Variants in RBPMS observed in about 807,000 individuals in gnomAD.
RBPMS encodes the protein RNA binding protein, mRNA processing factor, also known as RNA-binding protein with multiple splicing.
RBPMS carries 7 observed loss-of-function variants against 26.8 expected under a neutral mutation model. The observed-to-expected ratio is 0.26, with a 90% CI of 0.15 to 0.49. The LOEUF is 0.49. RBPMS is among the 20% of genes least tolerant of loss of function. The probability of loss-of-function intolerance (pLI) is 0.98; values close to 1 mark genes in which losing one functional copy is unlikely to be tolerated. For missense variants in RBPMS, 186 were observed against 250.0 expected, an observed-to-expected ratio of 0.74 and a Z score of 1.73; for synonymous variants, 96 against 93.3, an observed-to-expected ratio of 1.03 and a Z score of -0.17.
intron 5 of RBPMS, among the ~76,000 whole-genome samples, chr8:30,505,762 A>C (rs1821011902): frequency 6.6e-6 from 1 of 152,110 alleles, no homozygotes; most frequent in African/African-American, 2.4e-5. Context: ...TATTATAGTG[A>C]GTGGATAAAT....
chr8:30,497,573 T>A (rs530687855), intron 4 of RBPMS, among the ~76,000 whole-genome samples: 42 of 152,186 alleles, frequency 2.8e-4, no homozygotes, highest in African/African-American at 9.4e-4. Flanking sequence ...AGAAGACTTT[T>A]ATTCTTAGCT....
At chr8:30,482,207 T>TA (rs1426402477) in intron 4 of RBPMS, among the ~76,000 whole-genome samples, 1 of 152,234 alleles carries the variant, frequency 6.6e-6, no homozygotes, top group African/African-American at 2.4e-5. Context: ...ATTGATGAGT[T>TA]AAAAACATAT....
intron 1 of RBPMS, among the ~76,000 whole-genome samples, chr8:30,471,719 C>T (rs904652894): frequency 8.5e-5 from 13 of 152,150 alleles, no homozygotes; most frequent in African/African-American, 2.9e-4. Context: ...TTGCGGGTGA[C>T]AGGGAGGGCA....
At chr8:30,470,411 C>T (rs565132109) in intron 1 of RBPMS, among the ~76,000 whole-genome samples, 1 of 152,146 alleles carries the variant, frequency 6.6e-6, no homozygotes, top group South Asian at 2.1e-4. Flanking sequence ...ATTCTAGATC[C>T]CAGTCACCAT....
At chr8:30,490,375 C>G (rs1231337727) in intron 4 of RBPMS, among the ~76,000 whole-genome samples, 1 of 152,186 alleles carries the variant, frequency 6.6e-6, no homozygotes, top group East Asian at 1.9e-4. Flanking sequence ...AATTGAATCT[C>G]TGTTTCGAAG....
At chr8:30,423,317 G>A (rs2979489) in intron 1 of RBPMS, among the ~76,000 whole-genome samples, 120,844 of 152,126 alleles carry the variant, frequency 0.79, 48,529 homozygotes, top group African/African-American at 0.91. Flanking sequence ...GTGGATATTT[G>A]TAGGTCACCA....
intron 5 of RBPMS, among the ~76,000 whole-genome samples, chr8:30,523,600 A>G (rs770116080): frequency 2.7e-5 from 4 of 150,912 alleles, no homozygotes; most frequent in African/African-American, 4.9e-5. Context: ...GGGTGAGCAC[A>G]TGACAGGGGA....
chr8:30,494,876 T>C (rs1819764352), intron 4 of RBPMS, among the ~76,000 whole-genome samples: 2 of 152,208 alleles, frequency 1.3e-5, no homozygotes, highest in South Asian at 4.1e-4. Context: ...ACTACATACC[T>C]TAAACACAAT....
intron 6 of RBPMS, chr8:30,549,659 C>T (rs1274196734): frequency 9.7e-6 from 11 of 1,132,722 alleles, no homozygotes; most frequent in South Asian, 1.2e-5. Context: ...GCCTCATGCT[C>T]ACAGCGCCAG....
chr8:30,454,274 TTTATTAAC>T (rs1183467378), intron 1 of RBPMS, among the ~76,000 whole-genome samples: 1 of 152,156 alleles, frequency 6.6e-6, no homozygotes, highest in African/African-American at 2.4e-5. Flanking sequence ...TTAGTGTGAG[TTTATTAAC>T]TTATTAACTT....
At chr8:30,565,147 C>A (rs1339226890) in intron 7 of RBPMS, 1 of 152,204 alleles carries the variant, frequency 6.6e-6, no homozygotes, top group African/African-American at 2.4e-5. Context: ...AGTAACCCAA[C>A]TTTTGCTAGG....
intron 5 of RBPMS, among the ~76,000 whole-genome samples, chr8:30,510,814 C>G (rs1281617332): frequency 2.0e-5 from 3 of 152,136 alleles, no homozygotes; most frequent in Non-Finnish European, 4.4e-5. Context: ...CTCAAGCAAT[C>G]CACCTGCCTT....
intron 5 of RBPMS, among the ~76,000 whole-genome samples, chr8:30,527,378 T>A (rs555362738): frequency 2.0e-5 from 3 of 152,100 alleles, no homozygotes; most frequent in Middle Eastern, 3.4e-3. Flanking sequence ...CTGGGTGGAG[T>A]TTGTTCTTTC....
In RBPMS at chr8:30,385,161, A is replaced by T; in HGVS notation, c.66+3A>T. 6.7e-7 allele frequency: 1 copy of T among 1,501,994 alleles called. No homozygotes were observed. The highest frequency in any genetic ancestry group is 8.9e-7 in the Non-Finnish European group (1 of 1,124,848). The allele number at this position is 1,501,994 out of a possible 1,614,324, so 93.0% of individuals were successfully genotyped here. A position where few individuals can be genotyped will look rare whatever the true frequency, so the allele number is the denominator to read the frequency against. ...AGGCCAACCTTCAGGAGGAGGAGGT[A>T]CTGGGCGGCTCGGTGTGGTGGCGGG... On this transcript the variant is annotated splice_donor_region_variant and intron_variant, in intron 1 of 8. Coordinates refer to ENST00000397323, the MANE Select transcript of RBPMS (RefSeq NM_001008710.3).
At position 30,535,738 on chromosome 8, in the gene RBPMS, C is replaced by T. The variant is rs577364812; in HGVS notation, c.398-8756C>T. On this transcript the variant is annotated intron_variant, in intron 5 of 8. Coordinates refer to ENST00000397323, the MANE Select transcript of RBPMS (RefSeq NM_001008710.3). ...CCCTGTTCTGTTTTTAAGGATGATTCCCAGTGTTGTTACATTAAAATTTGG... is the reference window on the plus strand; with the variant it reads ...CCCTGTTCTGTTTTTAAGGATGATTTCCAGTGTTGTTACATTAAAATTTGG... 1.2e-4 allele frequency among the ~76,000 whole-genome samples: 18 copies of T among 152,116 alleles called. 1 individual carries two copies. Among genetic ancestry groups the T allele is most frequent in the Non-Finnish European group, 2.2e-4 (15 of 68,028 alleles).
At chr8:30,545,018 G>T in intron 6 of RBPMS, 1 of 1,423,338 alleles carries the variant, frequency 7.0e-7, no homozygotes, top group Non-Finnish European at 9.2e-7. Context: ...ATGTGCGTCT[G>T]TGCGTGTTTC....
intron 1 of RBPMS, chr8:30,446,820 TGTGTGTGTGTGTGTGTGTGTGTGC>T (rs1475394948): frequency 1.0e-5 from 1 of 96,418 alleles, no homozygotes; most frequent in African/African-American, 5.3e-5. Flanking sequence ...TGTGTGTGTG[TGTGTGTGTGTGTGTGTGTGTGTGC>T]GCGCGCGCGC....
chr8:30,516,145 C>A, intron 5 of RBPMS, among the ~76,000 whole-genome samples: 1 of 152,068 alleles, frequency 6.6e-6, no homozygotes, highest in East Asian at 1.9e-4. Context: ...TTTGGGAGGC[C>A]GAGGAGGGCG....
intron 4 of RBPMS, among the ~76,000 whole-genome samples, chr8:30,484,909 T>G (rs1444076582): frequency 1.3e-5 from 2 of 152,238 alleles, no homozygotes. Flanking sequence ...ACTACCAAGG[T>G]TCTTTACAAT....
Sources: gnomAD v4.1 joint callset for allele counts (sites outside exome capture counted in the v4.1 genomes callset) on GRCh38, gnomAD v4.1.1 for gene constraint, MANE v1.5 for transcripts, NCBI Gene and HGNC (gene_info 2026-07-23, HGNC 2026-07-21) for gene names.